The following CDH12 variants were observed in gnomAD, a reference collection of about 807,000 sequenced individuals.
CDH12 encodes the protein cadherin-12.
CDH12 carries 41 observed loss-of-function variants against 74.1 expected under a neutral mutation model. The observed-to-expected ratio is 0.55, with a 90% CI of 0.43 to 0.72. CDH12 has a LOEUF of 0.72. Ranked by LOEUF, CDH12 falls within the 30% of genes least tolerant of loss-of-function variation. The pLI is 0.00. For missense variants in CDH12, 945 were observed against 977.2 expected (o/e 0.97, Z 0.44); for synonymous variants, 399 against 355.0 (o/e 1.12, Z -1.39).
intron 3 of CDH12, among the ~76,000 whole-genome samples, chr5:22,258,375 G>A (rs568485958): frequency 6.4e-4 from 97 of 151,416 alleles, no homozygotes; most frequent in Non-Finnish European, 1.2e-3. Flanking sequence ...GTGGAGTTCA[G>A]AGAGTCTGAG....
chr5:21,917,186 A>G (rs1754136090), intron 6 of CDH12, among the ~76,000 whole-genome samples: 1 of 152,018 alleles, frequency 6.6e-6, no homozygotes, highest in Admixed American at 6.5e-5. Flanking sequence ...AAAGCCTTTC[A>G]TTTGGCTTGA....
At chr5:21,979,811 T>TAA (rs1284268425) in intron 5 of CDH12, among the ~76,000 whole-genome samples, 1 of 141,530 alleles carries the variant, frequency 7.1e-6, no homozygotes, top group Admixed American at 7.1e-5. Flanking sequence ...TTTACATGAG[T>TAA]AAAAAAAAAA....
chr5:22,156,444 G>A (rs1010976868), intron 4 of CDH12, among the ~76,000 whole-genome samples: 3 of 152,072 alleles, frequency 2.0e-5, no homozygotes, highest in Non-Finnish European at 4.4e-5. Flanking sequence ...ATGAAAAAAT[G>A]CTAAGATACA....
chr5:22,510,097 C>G (rs553409735), intron 1 of CDH12, among the ~76,000 whole-genome samples: 1 of 151,916 alleles, frequency 6.6e-6, no homozygotes, highest in South Asian at 2.1e-4. Context: ...TTCTTAAGAA[C>G]TAATAATAAT....
intron 5 of CDH12, among the ~76,000 whole-genome samples, chr5:21,991,511 ATG>A (rs1757748856): frequency 3.6e-4 from 1 of 2,816 alleles, no homozygotes; most frequent in African/African-American, 1.4e-3. Context: ...TTATATATAT[ATG>A]TTTGTTATAT....
In CDH12 at chr5:21,765,041, T is replaced by A; in HGVS notation, c.1452A>T (p.Glu484Asp). 1 of 1,611,788 alleles carries A rather than the reference T, an allele frequency of 6.2e-7. No homozygotes were observed. Among genetic ancestry groups the A allele is most frequent in the Non-Finnish European group, 8.5e-7 (1 of 1,178,508 alleles). The stretch of plus-strand genomic sequence containing the variant: ...ATGGCACAGATATTTCTGGAGGAAA[T>A]TCATTTACATCTAAGACATTAATCA... ...NILINVLDVN[E>D]FPPEISVPYE... Residue 484 changes from glutamate (E) to aspartate (D), a missense_variant, in exon 12 of 15, where the codon GAA becomes GAT. By Grantham distance (45) the Glu-to-Asp change is conservative. Around this residue, in one of 3 missense-constraint regions of CDH12, gnomAD observed 791 missense variants for 792.8 expected, o/e 1.00. Transcript: ENST00000382254.
chr5:22,453,547 T>C (rs1745137554), intron 2 of CDH12, among the ~76,000 whole-genome samples: 1 of 151,990 alleles, frequency 6.6e-6, no homozygotes, highest in Admixed American at 6.6e-5. Flanking sequence ...CCCATAGAAG[T>C]AGAGCATTAA....
chr5:22,416,967 T>A (rs949762716), intron 2 of CDH12, among the ~76,000 whole-genome samples: 1 of 152,198 alleles, frequency 6.6e-6, no homozygotes, highest in Non-Finnish European at 1.5e-5. Context: ...CTAAAGATAA[T>A]TATGGACTAC....
At chr5:22,494,712 C>A (rs1214618126) in intron 2 of CDH12, among the ~76,000 whole-genome samples, 1 of 152,132 alleles carries the variant, frequency 6.6e-6, no homozygotes, top group African/African-American at 2.4e-5. Context: ...CTTACTCTAC[C>A]AGGTGGGGCA....
intron 2 of CDH12, among the ~76,000 whole-genome samples, chr5:22,414,409 T>G (rs1057049371): frequency 5.3e-5 from 8 of 151,906 alleles, no homozygotes; most frequent in Admixed American, 5.2e-4. Context: ...ACCAGTTCAA[T>G]ATGTCAAAGT....
At chr5:22,801,960 G>T (rs1210003005) in intron 1 of CDH12, among the ~76,000 whole-genome samples, 1 of 151,572 alleles carries the variant, frequency 6.6e-6, no homozygotes, top group African/African-American at 2.4e-5. Flanking sequence ...TTAAATGTAT[G>T]TGGACCATCT....
chr5:21,907,020 A>G (rs963524375), intron 6 of CDH12, among the ~76,000 whole-genome samples: 2 of 152,178 alleles, frequency 1.3e-5, no homozygotes, highest in Non-Finnish European at 2.9e-5. Context: ...GAAAAGCAGC[A>G]GCGACTGCGC....
intron 2 of CDH12, among the ~76,000 whole-genome samples, chr5:22,455,790 G>A (rs1381093957): frequency 6.6e-5 from 10 of 152,094 alleles, no homozygotes; most frequent in Non-Finnish European, 1.0e-4. Context: ...ACTTTAAAAG[G>A]AGCATCTACA....
chr5:21,808,909 T>A (rs1185825171), intron 9 of CDH12, among the ~76,000 whole-genome samples: 3 of 152,076 alleles, frequency 2.0e-5, no homozygotes, highest in Non-Finnish European at 4.4e-5. Flanking sequence ...TGTAGTTAAG[T>A]TTTAAAACGT....
intron 3 of CDH12, among the ~76,000 whole-genome samples, chr5:22,282,096 A>T (rs1736914845): frequency 6.6e-6 from 1 of 152,190 alleles, no homozygotes; most frequent in South Asian, 2.1e-4. Flanking sequence ...AACACCATGC[A>T]TCTACAACCA....
intron 9 of CDH12, among the ~76,000 whole-genome samples, chr5:21,803,912 C>A (rs1271791243): frequency 6.6e-6 from 1 of 152,090 alleles, no homozygotes; most frequent in Non-Finnish European, 1.5e-5. Context: ...CAAAAAAACA[C>A]TTTTAAATCT....
intron 1 of CDH12, among the ~76,000 whole-genome samples, chr5:22,816,110 G>A (rs947329354): frequency 1.2e-4 from 18 of 152,142 alleles, no homozygotes; most frequent in African/African-American, 2.9e-4. Context: ...CTTTATTTTC[G>A]GGGCCAGGCT....
At chr5:22,236,347 G>A (rs1368416831) in intron 3 of CDH12, among the ~76,000 whole-genome samples, 2 of 152,130 alleles carry the variant, frequency 1.3e-5, no homozygotes, top group Non-Finnish European at 1.5e-5. Context: ...ACATACAGCT[G>A]TACAAGAATA....
rs537887586 is a variant in CDH12 at position 22,031,793 on chromosome 5, T to C, written c.231+46653A>G. On this transcript the variant is annotated intron_variant, in intron 5 of 14. Transcript: ENST00000382254. ...TATGGATTAAATTTGCCACATCTAATATGGGCACAGTTTATGGAGCCCCAA... is the reference window on the plus strand; with the variant it reads ...TATGGATTAAATTTGCCACATCTAACATGGGCACAGTTTATGGAGCCCCAA... Among the ~76,000 whole-genome samples, 382 of 152,242 alleles carry C rather than the reference T, an allele frequency of 2.5e-3. 1 individual carries two copies. Among genetic ancestry groups the C allele is most frequent in the Admixed American group, 4.0e-3 (61 of 15,284 alleles).
Sources: allele counts gnomAD v4.1 joint callset (sites outside exome capture counted in the v4.1 genomes callset), GRCh38; gene constraint gnomAD v4.1.1; regional missense constraint gnomAD v4.1.1; transcripts MANE v1.5; gene names NCBI Gene and HGNC (gene_info 2026-07-23, HGNC 2026-07-21).